The following UBE2R2 variants were observed in gnomAD, a reference collection of about 807,000 sequenced individuals.
UBE2R2 encodes ubiquitin conjugating enzyme E2 R2.
A neutral mutation model predicts 27.8 loss-of-function variants in UBE2R2; 1 was observed. The observed-to-expected ratio is 0.04, with a 90% CI of 0.01 to 0.17. The LOEUF (loss-of-function observed/expected upper bound fraction) is 0.17. UBE2R2 is among the 10% of genes least tolerant of loss of function. The pLI is 1.00. For missense variants in UBE2R2, 100 were observed against 291.0 expected (o/e 0.34, Z 4.78); for synonymous variants, 106 against 113.3 (o/e 0.94, Z 0.41).
chr9:33,832,473 G>C (rs960331725), intron 1 of UBE2R2, among the ~76,000 whole-genome samples: 1 of 151,816 alleles, frequency 6.6e-6, no homozygotes, highest in African/African-American at 2.4e-5. Flanking sequence ...TGGCTAACAC[G>C]GTGAAACCCC....
At chr9:33,830,519 C>G (rs1820443875) in intron 1 of UBE2R2, among the ~76,000 whole-genome samples, 1 of 150,200 alleles carries the variant, frequency 6.7e-6, no homozygotes, top group Non-Finnish European at 1.5e-5. Context: ...GTAATCCCAG[C>G]ACTTTGGGAG....
chr9:33,905,775 C>T (rs1822340834), intron 3 of UBE2R2, among the ~76,000 whole-genome samples: 1 of 152,182 alleles, frequency 6.6e-6, no homozygotes, highest in South Asian at 2.1e-4. Context: ...GCAATGAGGA[C>T]TGAGCTTTAA....
At chr9:33,908,021 A>T (rs1392593546) in intron 3 of UBE2R2, among the ~76,000 whole-genome samples, 1 of 152,116 alleles carries the variant, frequency 6.6e-6, no homozygotes, top group African/African-American at 2.4e-5. Flanking sequence ...GGGTTTCACC[A>T]TGTTGCTTGG....
rs1318910640 is a variant in UBE2R2, at chr9:33,919,608, GTC to G, written c.*2375_*2376del. On this transcript the variant is annotated 3_prime_UTR_variant, in exon 5 of 5. Transcript: ENST00000263228. ...CAATCAGTTCCAGAAGACTGGGTAA[GTC>G]TCTTGCTAGCAGGTGGACATTCTGG... 2 of 152,290 alleles carry G rather than the reference GTC, an allele frequency of 1.3e-5. No homozygotes were observed. Among genetic ancestry groups the G allele is most frequent in the East Asian group, 1.9e-4 (1 of 5,182 alleles). The allele number at this position is 152,290 out of a possible 1,614,324, so 9.4% of individuals were successfully genotyped here.
chr9:33,834,709 G>A (rs1038352613), intron 1 of UBE2R2, among the ~76,000 whole-genome samples: 8 of 151,744 alleles, frequency 5.3e-5, no homozygotes, highest in African/African-American at 1.5e-4. Context: ...TCAGGAGTTC[G>A]AGACCAGCCT....
At chr9:33,858,969 G>T (rs903549890) in intron 1 of UBE2R2, among the ~76,000 whole-genome samples, 3 of 151,860 alleles carry the variant, frequency 2.0e-5, no homozygotes, top group African/African-American at 7.3e-5. Flanking sequence ...GGGATTACAG[G>T]TGCCTGCCAC....
intron 1 of UBE2R2, chr9:33,830,973 G>GAGT (rs1273869604): frequency 1.3e-5 from 2 of 150,186 alleles, no homozygotes; most frequent in Admixed American, 1.3e-4. Flanking sequence ...AGAATGAGTA[G>GAGT]AGTAGGCTGG....
chr9:33,917,195 C>T lies in UBE2R2; in HGVS notation c.675C>T (p.Ala225=), dbSNP rs1231469147. 2.5e-6 allele frequency: 4 copies of T among 1,614,086 alleles called. No homozygotes were observed. Among genetic ancestry groups the T allele is most frequent in the Non-Finnish European group, 1.7e-6 (2 of 1,180,020 alleles). The part of the protein sequence containing the change: ...IDDEDEEEED[A]DCYDDDDSGN... ...ATGAAGATGAGGAGGAGGAAGATGC[C>T]GACTGTTATGATGATGATGATTCTG... is the stretch of plus-strand genomic sequence containing the variant. Residue 225 remains alanine, a synonymous_variant, in exon 5 of 5, where the codon GCC becomes GCT. Coordinates refer to ENST00000263228, the MANE Select transcript of UBE2R2 (RefSeq NM_017811.4).
At chr9:33,878,864 A>C (rs1821671212) in intron 1 of UBE2R2, among the ~76,000 whole-genome samples, 1 of 152,176 alleles carries the variant, frequency 6.6e-6, no homozygotes, top group Non-Finnish European at 1.5e-5. Context: ...TTATTTACAC[A>C]GGAGGACTTA....
At chr9:33,875,737 AG>A (rs1038579994) in intron 1 of UBE2R2, among the ~76,000 whole-genome samples, 8 of 152,220 alleles carry the variant, frequency 5.3e-5, no homozygotes, top group African/African-American at 1.9e-4. Context: ...GGCCTAGCAA[AG>A]ACAATGCTTA....
intron 3 of UBE2R2, among the ~76,000 whole-genome samples, chr9:33,903,314 A>G (rs1822285849): frequency 6.6e-6 from 1 of 152,162 alleles, no homozygotes; most frequent in Non-Finnish European, 1.5e-5. Context: ...TGGTGCATGG[A>G]TTTTCAGGAC....
intron 2 of UBE2R2, among the ~76,000 whole-genome samples, chr9:33,887,212 G>T (rs1040774703): frequency 1.3e-5 from 2 of 152,148 alleles, no homozygotes; most frequent in African/African-American, 2.4e-5. Flanking sequence ...GACTTTTGCT[G>T]TTCATTGCTA....
chr9:33,836,864 A>G (rs532656273), intron 1 of UBE2R2, among the ~76,000 whole-genome samples: 1 of 152,236 alleles, frequency 6.6e-6, no homozygotes, highest in South Asian at 2.1e-4. Flanking sequence ...GGCTGGGTAT[A>G]GAATTCTAGA....
At position 33,919,910 on chromosome 9, in the gene UBE2R2, A is replaced by T. The variant is rs979677094; in HGVS notation, c.*2673A>T. 1 of 152,192 alleles carries T rather than the reference A, an allele frequency of 6.6e-6. No individual in the cohort carries two copies. The highest frequency in any genetic ancestry group is 6.5e-5 in the Admixed American group (1 of 15,276). 9.4% of individuals were successfully genotyped at this position (152,192 alleles called of 1,614,324 possible). ...GTATTTTGAGGCTGGGTGGAGAAGT[A>T]TATGATTCTGCTGTTGATTCTTTCA... On this transcript the variant is annotated 3_prime_UTR_variant, in exon 5 of 5. Coordinates refer to ENST00000263228, the MANE Select transcript of UBE2R2 (RefSeq NM_017811.4).
chr9:33,843,535 G>A (rs897139736), intron 1 of UBE2R2, among the ~76,000 whole-genome samples: 3 of 151,854 alleles, frequency 2.0e-5, no homozygotes, highest in Non-Finnish European at 1.5e-5. Context: ...CTAGAGGGAA[G>A]TGGCATGATC....
intron 1 of UBE2R2, among the ~76,000 whole-genome samples, chr9:33,875,142 A>G (rs1284693930): frequency 6.6e-6 from 1 of 152,110 alleles, no homozygotes; most frequent in Admixed American, 6.6e-5. Context: ...AAAAAACTTT[A>G]AATGAAAATT....
chr9:33,914,664 C>CA (rs1392338692), intron 4 of UBE2R2, among the ~76,000 whole-genome samples: 1 of 151,746 alleles, frequency 6.6e-6, no homozygotes, highest in East Asian at 1.9e-4. Flanking sequence ...CCATCTCTAC[C>CA]AAAAAATATA....
At chr9:33,891,632 G>A (rs1821989477) in intron 2 of UBE2R2, among the ~76,000 whole-genome samples, 1 of 152,054 alleles carries the variant, frequency 6.6e-6, no homozygotes, top group Non-Finnish European at 1.5e-5. Context: ...GGGCAACAGA[G>A]TGAGACTCCT....
chr9:33,885,419 A>C (rs553189088), intron 1 of UBE2R2, among the ~76,000 whole-genome samples: 37 of 152,330 alleles, frequency 2.4e-4, no homozygotes, highest in African/African-American at 8.7e-4. Context: ...CATTGTTTTC[A>C]ACAAAGCTGC....
Sources: gnomAD v4.1 joint callset for allele counts (sites outside exome capture counted in the v4.1 genomes callset) on GRCh38, gnomAD v4.1.1 for gene constraint, MANE v1.5 for transcripts, NCBI Gene and HGNC (gene_info 2026-07-23, HGNC 2026-07-21) for gene names.